THOC2: variants seen among roughly 807,000 people sequenced by gnomAD.
THOC2 encodes THO complex 2.
Under a neutral mutation model 128.4 loss-of-function variants are expected in THOC2, and 10 were observed. The observed-to-expected ratio is 0.08, with a 90% CI of 0.05 to 0.13. The LOEUF (loss-of-function observed/expected upper bound fraction) is 0.13. Ranked by LOEUF, THOC2 falls within the 10% of genes least tolerant of loss-of-function variation. The pLI, the probability that THOC2 is intolerant of heterozygous loss-of-function variation, is 1.00. For synonymous variants in THOC2, 393 were observed against 396.9 expected (o/e 0.99, Z 0.12); for missense variants, 535 against 1,155.7 (o/e 0.46, Z 7.79).
At chrX:123,603,369 C>G (rs903924660) in intron 38 of THOC2, 2 of 290,470 alleles carry the variant, frequency 6.9e-6, no homozygotes, top group Admixed American at 1.2e-4. Flanking sequence ...CACACAAAGA[C>G]GGCCTATCTA....
intron 2 of THOC2, among the ~76,000 whole-genome samples, chrX:123,707,781 T>A (rs1004854621): frequency 7.3e-5 from 8 of 110,154 alleles, no homozygotes; most frequent in African/African-American, 2.6e-4. Context: ...TCCTTTTGAG[T>A]GGAATCAAAA....
At chrX:123,638,750 ACTCTCT>A (rs1190063571) in intron 17 of THOC2, among the ~76,000 whole-genome samples, 178 bp downstream of exon 17, 2 of 99,169 alleles carry the variant, frequency 2.0e-5, no homozygotes, top group African/African-American at 7.5e-5. Context: ...ACACACACAC[ACTCTCT>A]CTCTCTCTCA....
chrX:123,710,765 G>A (rs928811918), intron 2 of THOC2, among the ~76,000 whole-genome samples: 6 of 108,976 alleles, frequency 5.5e-5, no homozygotes, highest in South Asian at 8.2e-4. Flanking sequence ...TAAGGTGTGC[G>A]AATCGCCTGA....
At chrX:123,699,372 A>C (rs2050597628) in intron 4 of THOC2, among the ~76,000 whole-genome samples, 1 of 112,009 alleles carries the variant, frequency 8.9e-6, no homozygotes, top group Non-Finnish European at 1.9e-5. Context: ...CTAAGCACAC[A>C]GTTAGCTCAT....
intron 1 of THOC2, among the ~76,000 whole-genome samples, chrX:123,731,128 A>G (rs1295992260): frequency 8.9e-6 from 1 of 112,217 alleles, no homozygotes; most frequent in Non-Finnish European, 1.9e-5. Flanking sequence ...CTGGCTGGGT[A>G]ACTTCCCATC....
chrX:123,649,411 A>G (rs1000976024), intron 12 of THOC2, among the ~76,000 whole-genome samples: 1 of 111,507 alleles, frequency 9.0e-6, no homozygotes, highest in African/African-American at 3.3e-5. Flanking sequence ...CCAAAGGATC[A>G]CAACTCCTCA....
intron 12 of THOC2, among the ~76,000 whole-genome samples, chrX:123,665,257 G>A (rs770480952): frequency 8.9e-6 from 1 of 111,736 alleles, no homozygotes; most frequent in Non-Finnish European, 1.9e-5. Context: ...GTTTAGATAT[G>A]TTCAGATACA....
intron 3 of THOC2, among the ~76,000 whole-genome samples, chrX:123,704,773 G>C (rs1234960057): frequency 8.9e-6 from 1 of 111,756 alleles, no homozygotes; most frequent in East Asian, 2.8e-4. Context: ...CAGGAGAATT[G>C]TTTGAATCTG....
intron 4 of THOC2, among the ~76,000 whole-genome samples, chrX:123,699,051 G>C (rs988165142): frequency 9.0e-6 from 1 of 111,224 alleles, no homozygotes; most frequent in Non-Finnish European, 1.9e-5. Context: ...AAAACAATTA[G>C]TGCCAAATGC....
chrX:123,654,758 CAA>C (rs149260708), intron 12 of THOC2, among the ~76,000 whole-genome samples: 4 of 24,363 alleles, frequency 1.6e-4, no homozygotes, highest in African/African-American at 2.1e-4. Flanking sequence ...GACTCCGTCT[CAA>C]AAAAAAAAAA....
At chrX:123,687,069 G>A (rs1026010509) in intron 7 of THOC2, among the ~76,000 whole-genome samples, 7 of 111,147 alleles carry the variant, frequency 6.3e-5, no homozygotes, top group South Asian at 7.6e-4. Flanking sequence ...GGAAAAACAC[G>A]AAAATCAAAC....
At chrX:123,645,157 G>A (rs2048072943) in intron 13 of THOC2, among the ~76,000 whole-genome samples, 177 bp downstream of exon 13, 1 of 111,639 alleles carries the variant, frequency 9.0e-6, no homozygotes, top group Non-Finnish European at 1.9e-5. Context: ...CAACATCAGG[G>A]GAAAAAATGT....
intron 19 of THOC2, 108 bp downstream of exon 19, chrX:123,635,971 G>C (rs971065161): frequency 1.9e-6 from 1 of 537,612 alleles, no homozygotes; most frequent in African/African-American, 2.3e-5. Flanking sequence ...TTCTACTTGA[G>C]CCTACAACCA....
chrX:123,678,602 G>C (rs2049613137), intron 8 of THOC2, among the ~76,000 whole-genome samples: 1 of 110,626 alleles, frequency 9.0e-6, no homozygotes, highest in Non-Finnish European at 1.9e-5. Flanking sequence ...TTGCTGAAAA[G>C]CTTCTGCTAA....
In THOC2 at chrX:123,708,176, A is replaced by G. The variant is rs765806934; in HGVS notation, c.131-1227T>C. On this transcript the variant is annotated intron_variant, in intron 2 of 38. Coordinates refer to ENST00000245838, the MANE Select transcript of THOC2 (RefSeq NM_001081550.2). ...AAAAAGGAACATAATAGAAATCAAA[A>G]TGTACATAAATCCCCCCTTAATGAA... 3.6e-5 allele frequency among the ~76,000 whole-genome samples: 4 copies of G among 111,690 alleles called. No homozygotes were observed. In the East Asian group the frequency reaches 1.1e-3, roughly 31 times the overall value.
Position 123,627,858 on chromosome X carries a change from C to T in THOC2, c.2592G>A (p.Val864=). 2 of 1,211,646 alleles carry T rather than the reference C, an allele frequency of 1.7e-6. No homozygotes were observed. The highest frequency in any genetic ancestry group is 2.2e-6 in the Non-Finnish European group (2 of 895,424). Residue 864 remains valine (V), a synonymous_variant, in exon 23 of 39, where the codon GTG becomes GTA. Coordinates refer to ENST00000245838, the MANE Select transcript of THOC2 (RefSeq NM_001081550.2). The part of the protein sequence containing the change: ...EMVMAPVHEA[V]VSLHVSKVWD... Reference sequence around the variant, plus strand: ...AGACTTTGGAAACATGTAAGGAGACCACTGCTTCATGGACAGGCGCCATCA... The same window carrying T: ...AGACTTTGGAAACATGTAAGGAGACTACTGCTTCATGGACAGGCGCCATCA...
At chrX:123,660,425 G>T in intron 12 of THOC2, among the ~76,000 whole-genome samples, 1 of 111,798 alleles carries the variant, frequency 8.9e-6, no homozygotes, top group Admixed American at 9.5e-5. Context: ...AAAGTATGAG[G>T]AGAAACAGTC....
At chrX:123,640,453 C>T (rs1158264563) in intron 16 of THOC2, 85 bp downstream of exon 16, 6 of 649,619 alleles carry the variant, frequency 9.2e-6, no homozygotes, top group Non-Finnish European at 1.4e-5. Context: ...GTTTCATTTT[C>T]TAACATCATT....
chrX:123,623,405 T>A, intron 28 of THOC2, 122 bp from the exon 29 acceptor site: 1 of 750,448 alleles, frequency 1.3e-6, no homozygotes, highest in Non-Finnish European at 1.9e-6. Flanking sequence ...AATTAAAAAA[T>A]ACCAATTTTT....
Sources: allele counts gnomAD v4.1 joint callset (sites outside exome capture counted in the v4.1 genomes callset), GRCh38; gene constraint gnomAD v4.1.1; transcripts MANE v1.5; gene names NCBI Gene and HGNC (gene_info 2026-07-23, HGNC 2026-07-21).